Variants in MFN1 observed in about 807,000 individuals in gnomAD.
MFN1 encodes the protein mitofusin 1.
A neutral mutation model predicts 92.4 loss-of-function variants in MFN1; 65 were observed. The observed-to-expected ratio is 0.70, with a 90% CI of 0.58 to 0.86. The LOEUF (loss-of-function observed/expected upper bound fraction) is 0.86. MFN1 is among the 40% of genes least tolerant of loss of function. MFN1 has a pLI of 0.00. For missense variants in MFN1, 781 were observed against 868.0 expected (o/e 0.90, Z 1.26); for synonymous variants, 297 against 300.9 (o/e 0.99, Z 0.13).
At chr3:179,351,381 C>T (rs1712140095) in intron 2 of MFN1, among the ~76,000 whole-genome samples, 1 of 152,114 alleles carries the variant, frequency 6.6e-6, no homozygotes, top group Non-Finnish European at 1.5e-5. Flanking sequence ...TCTTTCTTCT[C>T]TGTCTTTGTG....
chr3:179,368,636 G>A (rs752585802), intron 9 of MFN1, among the ~76,000 whole-genome samples: 1 of 152,176 alleles, frequency 6.6e-6, no homozygotes, highest in African/African-American at 2.4e-5. Flanking sequence ...GAGCTTCAGC[G>A]TTTTCAGAAA....
At chr3:179,370,436 C>T (rs568945166) in intron 9 of MFN1, among the ~76,000 whole-genome samples, 4 of 121,942 alleles carry the variant, frequency 3.3e-5, no homozygotes, top group Admixed American at 1.1e-4. Flanking sequence ...CTCGCTCTGT[C>T]GCCGCCAGGC....
At position 179,389,047 on chromosome 3, in the gene MFN1, C is replaced by T. The variant is rs1364276746; in HGVS notation, c.2013-957C>T. Among the ~76,000 whole-genome samples, 7 of 152,140 alleles carry T rather than the reference C, an allele frequency of 4.6e-5. No homozygotes were observed. The East Asian group carries it at 7.7e-4, about 17-fold the overall frequency. ...ACTCAAGAGACAGGAATTGCAGGAA[C>T]GGTAAACTGTTGCAGATACAAAATC... On this transcript the variant is annotated intron_variant, in intron 16 of 17. Transcript: ENST00000471841.
chr3:179,352,556 A>G (rs1419197506), intron 3 of MFN1, among the ~76,000 whole-genome samples: 1 of 152,248 alleles, frequency 6.6e-6, no homozygotes, highest in Non-Finnish European at 1.5e-5. Context: ...GTTCTTGCCC[A>G]GTAATGGCAT....
chr3:179,368,148 T>C, intron 9 of MFN1, 45 bp downstream of exon 9: 1 of 1,398,190 alleles, frequency 7.2e-7, no homozygotes, highest in Non-Finnish European at 9.6e-7. Flanking sequence ...ACTCTTTCTT[T>C]GGTTGGAGAA....
At chr3:179,372,249 A>G (rs1056938619) in intron 9 of MFN1, among the ~76,000 whole-genome samples, 3 of 151,270 alleles carry the variant, frequency 2.0e-5, no homozygotes, top group African/African-American at 4.8e-5. Context: ...TGCACTTTCT[A>G]TTGAAAGTAT....
In MFN1 at chr3:179,378,394, C is replaced by T. The variant is rs2108549342; in HGVS notation, c.1383C>T (p.Cys461=). Reference sequence around the variant, plus strand: ...TGGGAAGAAATTTGGCTGATCGATGCACCGATGAAGTAAACGCCTTAGTGC... The same window carrying T: ...TGGGAAGAAATTTGGCTGATCGATGTACCGATGAAGTAAACGCCTTAGTGC... ...DGMGRNLADR[C]TDEVNALVLQ... is the part of the protein sequence containing the mutation. Residue 461 remains cysteine (C), a synonymous_variant, in exon 13 of 18, where the codon TGC becomes TGT. Transcript: ENST00000471841. The T allele has an allele frequency of 6.2e-7, 1 of 1,606,716 alleles. No homozygotes were observed. The highest frequency in any genetic ancestry group is 8.5e-7 in the Non-Finnish European group (1 of 1,178,184).
intron 17 of MFN1, 69 bp downstream of exon 17, chr3:179,390,207 A>C: frequency 7.9e-7 from 1 of 1,272,990 alleles, no homozygotes; most frequent in Admixed American, 3.5e-5. Flanking sequence ...TAAAATTATT[A>C]ATGAATTTGT....
intron 14 of MFN1, among the ~76,000 whole-genome samples, chr3:179,383,434 G>A (rs1470008186): frequency 1.3e-5 from 2 of 152,146 alleles, no homozygotes; most frequent in East Asian, 3.8e-4. Flanking sequence ...CTATATCTCT[G>A]TTTTGGTACC....
chr3:179,356,446 C>T (rs1712346753), intron 3 of MFN1, among the ~76,000 whole-genome samples: 1 of 152,166 alleles, frequency 6.6e-6, no homozygotes, highest in Non-Finnish European at 1.5e-5. Flanking sequence ...AAGTATAGTG[C>T]TTCCCTGAGT....
At position 179,372,053 on chromosome 3, in the gene MFN1, TTATTA is replaced by T. The variant is rs894153810; in HGVS notation, c.976-3163_976-3159del. Among the ~76,000 whole-genome samples the T allele has an allele frequency of 8.6e-4, 126 of 147,008 alleles. 1 individual carries two copies. The highest frequency in any genetic ancestry group is 3.0e-3 in the African/African-American group (121 of 40,450). On this transcript the variant is annotated intron_variant, in intron 9 of 17. Transcript: ENST00000471841. Reference sequence around the variant, plus strand: ...CATGTATTATATATATTATATATATTTATTATATATTATATATTATATAATACATA... The same window carrying T: ...CATGTATTATATATATTATATATATTTATATTATATATTATATAATACATA...
chr3:179,369,401 T>C (rs916704647), intron 9 of MFN1, among the ~76,000 whole-genome samples: 2 of 152,210 alleles, frequency 1.3e-5, no homozygotes, highest in Non-Finnish European at 2.9e-5. Flanking sequence ...CTATTCTACT[T>C]CCTTGTCTTT....
rs370622566 is a variant in MFN1, at chr3:179,375,203, G to C, written c.976-17G>C. On this transcript the variant is annotated splice_polypyrimidine_tract_variant and intron_variant, in intron 9 of 17. Transcript: ENST00000471841. ...GATGGAATTACAGTAATGTGTTACGGCTTGGGCCCCTCGCAGGAGTGTATC... is the reference window on the plus strand; with the variant it reads ...GATGGAATTACAGTAATGTGTTACGCCTTGGGCCCCTCGCAGGAGTGTATC... 22 of 1,605,424 alleles carry C rather than the reference G, an allele frequency of 1.4e-5. No homozygotes were observed. In the African/African-American group the frequency reaches 2.7e-4, roughly 20 times the overall value.
chr3:179,359,023 C>T (rs762590559), intron 4 of MFN1, 21 bp downstream of exon 4: 1 of 1,603,428 alleles, frequency 6.2e-7, no homozygotes, highest in Non-Finnish European at 8.5e-7. Flanking sequence ...TAACCTTTAG[C>T]AGAATAATAT....
chr3:179,389,825 A>C (rs1378906903), intron 16 of MFN1, among the ~76,000 whole-genome samples, 179 bp from the exon 17 acceptor site: 1 of 152,098 alleles, frequency 6.6e-6, no homozygotes, highest in Non-Finnish European at 1.5e-5. Context: ...TCGTCTCTTG[A>C]GCCAGGATAA....
At chr3:179,365,349 G>A in intron 7 of MFN1, 124 bp downstream of exon 7, 1 of 580,198 alleles carries the variant, frequency 1.7e-6, no homozygotes, top group Non-Finnish European at 2.8e-6. Context: ...AAGATAGTTA[G>A]AGAAAACCTG....
chr3:179,371,169 T>A (rs983072808), intron 9 of MFN1, among the ~76,000 whole-genome samples: 1 of 152,198 alleles, frequency 6.6e-6, no homozygotes, highest in Non-Finnish European at 1.5e-5. Context: ...GAATACTAAT[T>A]TAAGCAAGGC....
At chr3:179,360,502 A>G (rs1485384206) in intron 4 of MFN1, among the ~76,000 whole-genome samples, 1 of 151,984 alleles carries the variant, frequency 6.6e-6, no homozygotes, top group Non-Finnish European at 1.5e-5. Flanking sequence ...GCCAATGGCA[A>G]TTCCCTACCT....
chr3:179,353,365 C>A (rs1712229716), intron 3 of MFN1, among the ~76,000 whole-genome samples: 1 of 148,126 alleles, frequency 6.8e-6, no homozygotes, highest in African/African-American at 2.5e-5. Context: ...CGCGCCTGGC[C>A]CCAGCATAAT....
Sources: gnomAD v4.1 joint callset for allele counts (sites outside exome capture counted in the v4.1 genomes callset) on GRCh38, gnomAD v4.1.1 for gene constraint, MANE v1.5 for transcripts, NCBI Gene and HGNC (gene_info 2026-07-23, HGNC 2026-07-21) for gene names.